Variants in DCDC1 observed in about 807,000 individuals in gnomAD.
The protein encoded by DCDC1 is doublecortin domain-containing protein 1.
A neutral mutation model predicts 178.3 loss-of-function variants in DCDC1; 200 were observed. The ratio of observed to expected loss-of-function variants is 1.12; its 90% CI spans 1.00 to 1.26. The LOEUF (loss-of-function observed/expected upper bound fraction) is 1.26, where lower values mean the gene tolerates loss of function less well. Among genes scored for constraint, DCDC1 ranks in the 50% most tolerant of loss-of-function variants. The pLI, the probability that DCDC1 is intolerant of heterozygous loss-of-function variation, is 0.00. For synonymous variants in DCDC1, 690 were observed against 604.8 expected (o/e 1.14, Z -2.07); for missense variants, 1,983 against 1,749.2 (o/e 1.13, Z -2.38).
rs146493477 is a variant in DCDC1, at chr11:31,015,403, C to T, written c.2591+49066G>A. ...ATAATGGGTTTTCACTGAAATGCTT[C>T]GTTTTTCCTTTTATCTTGCTCATCA... On this transcript the variant is annotated intron_variant, in intron 20 of 38. Coordinates refer to ENST00000684477, the MANE Select transcript of DCDC1 (RefSeq NM_001387274.1). 1.2e-4 allele frequency among the ~76,000 whole-genome samples: 18 copies of T among 152,228 alleles called. No individual in the cohort carries two copies. The East Asian group carries it at 2.7e-3, about 23-fold the overall frequency.
At chr11:31,056,123 C>CT in intron 20 of DCDC1, among the ~76,000 whole-genome samples, 1 of 152,158 alleles carries the variant, frequency 6.6e-6, no homozygotes, top group East Asian at 1.9e-4. Flanking sequence ...GGTAAAAACA[C>CT]TAATTTATAT....
chr11:31,067,049 T>C (rs1255158937), intron 18 of DCDC1, among the ~76,000 whole-genome samples: 1 of 152,096 alleles, frequency 6.6e-6, no homozygotes, highest in East Asian at 1.9e-4. Context: ...TATTTTAAGG[T>C]AAGGGGCTCC....
intron 9 of DCDC1, among the ~76,000 whole-genome samples, chr11:31,212,011 A>G (rs1972592960): frequency 6.7e-6 from 1 of 149,830 alleles, no homozygotes; most frequent in Non-Finnish European, 1.5e-5. Context: ...TGAATCCAGG[A>G]GGCGGAGCTT....
At chr11:31,350,738 T>C (rs1951029715) in intron 1 of DCDC1, among the ~76,000 whole-genome samples, 1 of 152,254 alleles carries the variant, frequency 6.6e-6, no homozygotes, top group Middle Eastern at 3.4e-3. Context: ...ATGAAACATG[T>C]CTGATTTTAT....
chr11:31,312,285 T>C (rs1292271111), intron 3 of DCDC1, among the ~76,000 whole-genome samples: 7 of 152,198 alleles, frequency 4.6e-5, no homozygotes, highest in Non-Finnish European at 1.0e-4. Context: ...CTAAGCATTT[T>C]ATATATATTT....
At chr11:30,944,178 CTG>C (rs928170951) in intron 21 of DCDC1, 1 of 364,792 alleles carries the variant, frequency 2.7e-6, no homozygotes, top group Admixed American at 3.4e-5. Context: ...CAAACTTTTT[CTG>C]TGAGTTTCTT....
chr11:31,362,355 A>T lies in DCDC1; in HGVS notation c.-125+7342T>A, dbSNP rs1173371875. 4.6e-5 allele frequency among the ~76,000 whole-genome samples: 7 copies of T among 152,140 alleles called. 1 individual carries two copies. The highest frequency in any genetic ancestry group is 2.1e-4 in the South Asian group (1 of 4,826). Reference sequence around the variant, plus strand: ...AGGATTTATACTACAAAGATTTTTTAAAAAAACATACAGTGTTTGAAATTA... The same window carrying T: ...AGGATTTATACTACAAAGATTTTTTTAAAAAACATACAGTGTTTGAAATTA... On this transcript the variant is annotated intron_variant, in intron 1 of 38. Transcript: ENST00000684477.
At chr11:31,131,778 C>T (rs1333255124) in intron 10 of DCDC1, among the ~76,000 whole-genome samples, 1 of 152,152 alleles carries the variant, frequency 6.6e-6, no homozygotes, top group Non-Finnish European at 1.5e-5. Context: ...CATTGTATTT[C>T]ACTAGTCAAT....
chr11:30,973,281 A>C (rs1392188385), intron 20 of DCDC1, among the ~76,000 whole-genome samples: 2 of 150,762 alleles, frequency 1.3e-5, no homozygotes, highest in Non-Finnish European at 3.0e-5. Context: ...CTCAAAAAAA[A>C]AAAAAAAAAT....
chr11:31,041,868 A>G (rs575740221), intron 20 of DCDC1, among the ~76,000 whole-genome samples: 2 of 152,184 alleles, frequency 1.3e-5, no homozygotes, highest in East Asian at 1.9e-4. Flanking sequence ...AGAAGTAAAA[A>G]CACTAAAGCA....
chr11:30,926,598 A>G (rs1464101689), intron 22 of DCDC1, among the ~76,000 whole-genome samples: 1 of 152,224 alleles, frequency 6.6e-6, no homozygotes, highest in Non-Finnish European at 1.5e-5. Flanking sequence ...TATCCCGCCT[A>G]TGGAAGAAGT....
At chr11:31,095,007 T>C (rs192717588) in intron 15 of DCDC1, among the ~76,000 whole-genome samples, 2 of 152,276 alleles carry the variant, frequency 1.3e-5, no homozygotes, top group Non-Finnish European at 2.9e-5. Flanking sequence ...TTTGTTCTCA[T>C]TGTTCAACTC....
intron 9 of DCDC1, among the ~76,000 whole-genome samples, chr11:31,144,334 G>T (rs1442038502): frequency 6.6e-6 from 1 of 151,764 alleles, no homozygotes; most frequent in South Asian, 2.1e-4. Flanking sequence ...GTAGAGACGG[G>T]GTTTCACCAT....
chr11:31,004,726 G>A (rs1951750851), intron 20 of DCDC1, among the ~76,000 whole-genome samples: 1 of 150,442 alleles, frequency 6.6e-6, no homozygotes, highest in African/African-American at 2.4e-5. Context: ...TCAGACTGAC[G>A]GGGTTCAAAT....
chr11:31,271,461 C>G, intron 7 of DCDC1, among the ~76,000 whole-genome samples: 1 of 152,144 alleles, frequency 6.6e-6, no homozygotes, highest in East Asian at 1.9e-4. Flanking sequence ...CTCCCTCTAG[C>G]TACTCCTCAA....
intron 9 of DCDC1, among the ~76,000 whole-genome samples, chr11:31,230,504 C>A (rs1975632742): frequency 6.6e-6 from 1 of 152,160 alleles, no homozygotes; most frequent in Non-Finnish European, 1.5e-5. Context: ...CAAGCTAAGA[C>A]TGCAGTGTCC....
chr11:30,911,257 A>C, intron 28 of DCDC1, 70 bp downstream of exon 28: 1 of 1,317,904 alleles, frequency 7.6e-7, no homozygotes, highest in South Asian at 1.3e-5. Context: ...CCTCCACTAC[A>C]AGGAAGCACA....
chr11:30,961,253 A>G (rs547716474), intron 20 of DCDC1, among the ~76,000 whole-genome samples: 58 of 152,260 alleles, frequency 3.8e-4, no homozygotes, highest in African/African-American at 1.4e-3. Flanking sequence ...AATCAACAGT[A>G]AAACAAAAAC....
At chr11:31,143,729 T>G (rs1964124187) in intron 9 of DCDC1, among the ~76,000 whole-genome samples, 1 of 152,170 alleles carries the variant, frequency 6.6e-6, no homozygotes. Context: ...CTCACTTAAG[T>G]CCCTCTATAA....
Sources: gnomAD v4.1 joint callset for allele counts (sites outside exome capture counted in the v4.1 genomes callset) on GRCh38, gnomAD v4.1.1 for gene constraint, MANE v1.5 for transcripts, NCBI Gene and HGNC (gene_info 2026-07-23, HGNC 2026-07-21) for gene names.